USH2A: variants seen among roughly 807,000 people sequenced by gnomAD.
USH2A encodes the protein Usher syndrome 2A (autosomal recessive, mild).
In USH2A, 443 loss-of-function variants were observed where a neutral mutation model predicts 538.9. The observed-to-expected ratio is 0.82, with a 90% CI of 0.76 to 0.89. USH2A has a LOEUF of 0.89. Ranked by LOEUF, USH2A falls within the 40% of genes least tolerant of loss-of-function variation. The pLI is 0.00. For missense variants in USH2A, 6,633 were observed against 6,324.8 expected, an observed-to-expected ratio of 1.05 and a Z score of -1.65; for synonymous variants, 2,413 against 2,273.5, an observed-to-expected ratio of 1.06 and a Z score of -1.75.
chr1:216,380,572 A>T (rs1303696331), intron 3 of USH2A, among the ~76,000 whole-genome samples: 1 of 152,186 alleles, frequency 6.6e-6, no homozygotes, highest in Non-Finnish European at 1.5e-5. Flanking sequence ...GAGTGAATAT[A>T]TCTGTGAACA....
At chr1:216,100,853 G>A (rs987648791) in intron 21 of USH2A, among the ~76,000 whole-genome samples, 1 of 152,070 alleles carries the variant, frequency 6.6e-6, no homozygotes, top group African/African-American at 2.4e-5. Context: ...AAGTTCGTGT[G>A]TTTTTCTAAA....
chr1:216,203,703 A>C (rs1481457718), intron 16 of USH2A, among the ~76,000 whole-genome samples: 2 of 152,208 alleles, frequency 1.3e-5, no homozygotes, highest in Non-Finnish European at 2.9e-5. Flanking sequence ...ATGAGATTAT[A>C]AATTATAATT....
intron 64 of USH2A, among the ~76,000 whole-genome samples, chr1:215,658,994 T>C (rs1003329379): frequency 1.3e-5 from 2 of 152,206 alleles, no homozygotes; most frequent in Admixed American, 6.5e-5. Context: ...TCAACACATA[T>C]TGACTGAGCC....
At position 215,815,040 on chromosome 1, in the gene USH2A, A is replaced by T. The variant is rs530117063; in HGVS notation, c.9571-1136T>A. ...CAAAAAGCTTTTAAACCCGCAATAC[A>T]AGTCTCTTTTCTACTTCTCTCCAAT... is the stretch of plus-strand genomic sequence containing the variant. On this transcript the variant is annotated intron_variant, in intron 48 of 71. Transcript: ENST00000307340. Among the ~76,000 whole-genome samples the T allele has an allele frequency of 3.3e-5, 5 of 152,274 alleles. No homozygotes were observed. The South Asian group carries it at 1.0e-3, about 32-fold the overall frequency.
At chr1:215,818,093 A>G (rs1470189684) in intron 47 of USH2A, among the ~76,000 whole-genome samples, 1 of 151,946 alleles carries the variant, frequency 6.6e-6, no homozygotes, top group Non-Finnish European at 1.5e-5. Context: ...TAGTATAAAT[A>G]TATATGCAAA....
At chr1:215,862,571 A>C (rs113724438) in intron 44 of USH2A, among the ~76,000 whole-genome samples, 11,563 of 152,156 alleles carry the variant, frequency 0.076, 482 homozygotes, top group Non-Finnish European at 0.09. Context: ...AATAATAATA[A>C]AAAAAATGCT....
rs200756318 is a variant in USH2A at position 215,786,791 on chromosome 1, G to T, written c.10266C>A (p.Ser3422Arg). The change falls in exon 52 of 72, where the codon AGC (serine) becomes AGA (arginine). Residue 3422 changes from serine (S) to arginine (R), a missense_variant. Transcript: ENST00000307340. The part of the protein sequence containing the change: ...HCGRCDFNFT[S>R]HICTVIRGSH... ...ACCCTCTTATCACAGTGCAAATGTG[G>T]CTGGTAAAGTTGAAGTCACACCTGC... is the stretch of plus-strand genomic sequence containing the variant. 3.1e-6 allele frequency: 5 copies of T among 1,613,714 alleles called. No individual in the cohort carries two copies. The Admixed American group carries it at 8.3e-5, about 27-fold the overall frequency.
At chr1:215,921,329 T>C (rs1289137296) in intron 38 of USH2A, among the ~76,000 whole-genome samples, 1 of 152,078 alleles carries the variant, frequency 6.6e-6, no homozygotes, top group African/African-American at 2.4e-5. Context: ...ACAGGGTACG[T>C]ACCACATAAT....
intron 26 of USH2A, among the ~76,000 whole-genome samples, chr1:216,080,994 A>C (rs1372604356): frequency 6.6e-6 from 1 of 151,994 alleles, no homozygotes; most frequent in Non-Finnish European, 1.5e-5. Flanking sequence ...CTACATCTAA[A>C]ATATATTAGA....
chr1:215,748,153 G>A (rs1213364559), intron 58 of USH2A, among the ~76,000 whole-genome samples: 1 of 152,088 alleles, frequency 6.6e-6, no homozygotes, highest in African/African-American at 2.4e-5. Flanking sequence ...GGCCTCCCAA[G>A]TTTTGTTTTG....
At chr1:215,798,534 G>A (rs796374517) in intron 50 of USH2A, among the ~76,000 whole-genome samples, 39 of 152,182 alleles carry the variant, frequency 2.6e-4, no homozygotes, top group African/African-American at 9.2e-4. Flanking sequence ...ATTTATATTA[G>A]TGTTAGCTTA....
At chr1:216,036,034 T>C (rs2102515576) in intron 32 of USH2A, among the ~76,000 whole-genome samples, 1 of 152,228 alleles carries the variant, frequency 6.6e-6, no homozygotes, top group Non-Finnish European at 1.5e-5. Flanking sequence ...CAAATGAAGA[T>C]GTGGGAATTG....
chr1:216,249,897 G>A (rs550532279), intron 12 of USH2A, among the ~76,000 whole-genome samples: 1 of 151,914 alleles, frequency 6.6e-6, no homozygotes, highest in East Asian at 1.9e-4. Flanking sequence ...AGAGAGAGAG[G>A]AGTGTGTGTA....
intron 44 of USH2A, among the ~76,000 whole-genome samples, chr1:215,856,155 G>C (rs994490362): frequency 6.6e-6 from 1 of 152,064 alleles, no homozygotes; most frequent in Non-Finnish European, 1.5e-5. Context: ...GAACCTAAAA[G>C]CAAATGCAAC....
At chr1:215,839,036 T>C (rs911101680) in intron 46 of USH2A, among the ~76,000 whole-genome samples, 49 of 152,290 alleles carry the variant, frequency 3.2e-4, no homozygotes, top group African/African-American at 1.2e-3. Context: ...TTACTAGATA[T>C]GCTATTTTAT....
At chr1:215,628,726 G>C in intron 71 of USH2A, 88 bp downstream of exon 71, 1 of 1,392,704 alleles carries the variant, frequency 7.2e-7, no homozygotes. Flanking sequence ...AGTGCCATGG[G>C]GCAGCATTCG....
intron 69 of USH2A, among the ~76,000 whole-genome samples, chr1:215,635,845 C>T (rs534801708): frequency 1.3e-5 from 2 of 152,246 alleles, no homozygotes; most frequent in Admixed American, 1.3e-4. Flanking sequence ...TGAGCCGCCG[C>T]ACCCAGCCAG....
At chr1:215,953,209 A>G (rs1409614647) in intron 37 of USH2A, among the ~76,000 whole-genome samples, 7 of 152,138 alleles carry the variant, frequency 4.6e-5, no homozygotes, top group Admixed American at 1.3e-4. Context: ...AATTGGAAAA[A>G]ACTACTTTAA....
intron 16 of USH2A, among the ~76,000 whole-genome samples, chr1:216,202,305 C>G (rs1434780161): frequency 6.6e-6 from 1 of 152,018 alleles, no homozygotes; most frequent in African/African-American, 2.4e-5. Flanking sequence ...CCTAATAGAT[C>G]AGAATGTATT....
Sources: gnomAD v4.1 joint callset for allele counts (sites outside exome capture counted in the v4.1 genomes callset) on GRCh38, gnomAD v4.1.1 for gene constraint, MANE v1.5 for transcripts, NCBI Gene and HGNC (gene_info 2026-07-23, HGNC 2026-07-21) for gene names.